The following HDX variants were observed in gnomAD, a reference collection of about 807,000 sequenced individuals.
HDX encodes the protein highly divergent homeobox, also known as chromosome X open reading frame 43.
A neutral mutation model predicts 45.2 loss-of-function variants in HDX; 19 were observed. The ratio of observed to expected loss-of-function variants is 0.42; its 90% CI spans 0.29 to 0.62. The LOEUF (loss-of-function observed/expected upper bound fraction) is 0.62, where lower values mean the gene tolerates loss of function less well. Among genes scored for constraint, HDX ranks in the 20% least tolerant of loss-of-function variants. The pLI is 0.20. For missense variants in HDX, 532 were observed against 493.9 expected, an observed-to-expected ratio of 1.08 and a Z score of -0.73; for synonymous variants, 188 against 172.8, an observed-to-expected ratio of 1.09 and a Z score of -0.69.
chrX:84,333,370 T>G (rs898184457), intron 9 of HDX, among the ~76,000 whole-genome samples: 2 of 111,416 alleles, frequency 1.8e-5, no homozygotes, highest in Admixed American at 1.9e-4. Flanking sequence ...TTTTAAAAAT[T>G]GTCCACAGAA....
chrX:84,493,838 T>C (rs1349535141), intron 1 of HDX, among the ~76,000 whole-genome samples: 1 of 111,162 alleles, frequency 9.0e-6, no homozygotes, highest in Admixed American at 9.6e-5. Flanking sequence ...TTATATATTT[T>C]AAAATAACTA....
chrX:84,409,647 C>G (rs1257381033), intron 5 of HDX, among the ~76,000 whole-genome samples: 4 of 96,376 alleles, frequency 4.2e-5, no homozygotes, highest in Non-Finnish European at 8.2e-5. Flanking sequence ...ACCGCATGTT[C>G]TCACTCATAG....
rs2036564528 is a variant in HDX, at chrX:84,319,802, G to A, written c.*2087C>T. ...ATGTTAAAAAGAAATAATTATTTGT[G>A]ATGTTTACAGCTTGCTGAGAAATCC... is the stretch of plus-strand genomic sequence containing the variant. On this transcript the variant is annotated 3_prime_UTR_variant, in exon 11 of 11. Transcript: ENST00000373177. 1 of 111,094 alleles carries A rather than the reference G, an allele frequency of 9.0e-6. No individual in the cohort carries two copies. Among genetic ancestry groups the A allele is most frequent in the Non-Finnish European group, 1.9e-5 (1 of 52,499 alleles). The allele number at this position is 111,094 out of a possible 1,213,427, so 9.2% of individuals were successfully genotyped here. A position where few individuals can be genotyped will look rare whatever the true frequency, so the allele number is the denominator to read the frequency against.
At position 84,349,609 on chromosome X, in the gene HDX, G is replaced by A. The variant is rs865948190; in HGVS notation, c.1453-5152C>T. ...TACATCTATATGTTTATGTGTGTGT[G>A]TATATATATATATATATATATAAAC... On this transcript the variant is annotated intron_variant, in intron 6 of 10. Transcript: ENST00000373177. 1.2e-4 allele frequency among the ~76,000 whole-genome samples: 9 copies of A among 77,561 alleles called. No homozygotes were observed. The East Asian group carries it at 1.2e-3, about 10-fold the overall frequency. 67.4% of individuals were successfully genotyped at this position (77,561 alleles called of 115,157 possible).
chrX:84,349,403 A>ATGTGTG (rs58864600), intron 6 of HDX, among the ~76,000 whole-genome samples: 32 of 68,489 alleles, frequency 4.7e-4, no homozygotes, highest in East Asian at 2.2e-3. Context: ...ATATATATAT[A>ATGTGTG]TGTGTGTGTG....
intron 1 of HDX, among the ~76,000 whole-genome samples, chrX:84,495,441 T>C (rs1321361703): frequency 4.5e-5 from 5 of 111,729 alleles, no homozygotes; most frequent in African/African-American, 9.8e-5. Flanking sequence ...CCAATCACCA[T>C]GTTACACACT....
At chrX:84,462,208 T>C (rs999874526) in intron 4 of HDX, among the ~76,000 whole-genome samples, 11 of 112,169 alleles carry the variant, frequency 9.8e-5, no homozygotes, top group African/African-American at 1.6e-4. Context: ...TGAAGAGATA[T>C]CTGCACTCCC....
Position 84,371,747 on chromosome X carries a change from C to A in HDX, c.1306-10135G>T, listed in dbSNP as rs773253472. ...AAGTATCTCAGGTTCACATTTGATGCTTATTGCCTATTTTTATGTGCTCTC... is the reference window on the plus strand; with the variant it reads ...AAGTATCTCAGGTTCACATTTGATGATTATTGCCTATTTTTATGTGCTCTC... On this transcript the variant is annotated intron_variant, in intron 5 of 10. Coordinates refer to ENST00000373177, the MANE Select transcript of HDX (RefSeq NM_001177479.2). Among the ~76,000 whole-genome samples, 8 of 111,591 alleles carry A rather than the reference C, an allele frequency of 7.2e-5. 1 individual carries two copies. The South Asian group carries it at 3.0e-3, about 42-fold the overall frequency.
At chrX:84,498,821 GCACACACACACACACACACA>G (rs202067754) in intron 1 of HDX, among the ~76,000 whole-genome samples, 2 of 94,690 alleles carry the variant, frequency 2.1e-5, no homozygotes, top group East Asian at 3.6e-4. Context: ...TGGAATGTAT[GCACACACACACACACACACA>G]CACACACACA....
chrX:84,333,968 AACTG>A, intron 8 of HDX, 126 bp from the exon 9 acceptor site: 1 of 368,502 alleles, frequency 2.7e-6, no homozygotes, highest in Non-Finnish European at 4.8e-6. Flanking sequence ...AAATTCTGAT[AACTG>A]ACTGGCTCCT....
intron 5 of HDX, among the ~76,000 whole-genome samples, chrX:84,364,498 T>G (rs1399871961): frequency 1.3e-5 from 1 of 75,722 alleles, no homozygotes; most frequent in East Asian, 4.2e-4. Context: ...CACCTTTTTT[T>G]TTTTTTTTTT....
At chrX:84,497,609 AG>A (rs1487778505) in intron 1 of HDX, among the ~76,000 whole-genome samples, 1 of 110,367 alleles carries the variant, frequency 9.1e-6, no homozygotes, top group Non-Finnish European at 1.9e-5. Flanking sequence ...ATCTCCACTA[AG>A]GAAAAAAAAA....
At chrX:84,500,748 C>T (rs2041104385) in intron 1 of HDX, among the ~76,000 whole-genome samples, 1 of 111,208 alleles carries the variant, frequency 9.0e-6, no homozygotes, top group Admixed American at 9.6e-5. Context: ...ACTAACTGAA[C>T]ATTAAAGAGA....
intron 1 of HDX, among the ~76,000 whole-genome samples, chrX:84,494,950 A>C (rs1248446265): frequency 1.8e-5 from 2 of 111,755 alleles, no homozygotes; most frequent in African/African-American, 3.2e-5. Flanking sequence ...CTAAGTGTCT[A>C]TCAACAGATG....
chrX:84,412,821 C>T (rs1478872864), intron 5 of HDX, among the ~76,000 whole-genome samples: 1 of 111,893 alleles, frequency 8.9e-6, no homozygotes, highest in African/African-American at 3.2e-5. Context: ...AGTAATATGT[C>T]TCTTTACATA....
chrX:84,468,044 T>C (rs2040385201), intron 4 of HDX, among the ~76,000 whole-genome samples: 2 of 111,331 alleles, frequency 1.8e-5, no homozygotes, highest in Admixed American at 1.9e-4. Flanking sequence ...CTAAAGAAAT[T>C]ATTGACTTGC....
At position 84,354,930 on chromosome X, in the gene HDX, CATATATATATATATATAT is replaced by C. The variant is rs72331919; in HGVS notation, c.1452+6518_1452+6535del. Among the ~76,000 whole-genome samples the C allele has an allele frequency of 8.3e-3, 624 of 74,828 alleles. 11 individuals carry two copies. Among genetic ancestry groups the C allele is most frequent in the African/African-American group, 0.03 (574 of 18,834 alleles). 65.0% of individuals were successfully genotyped at this position (74,828 alleles called of 115,157 possible). On this transcript the variant is annotated intron_variant, in intron 6 of 10. Transcript: ENST00000373177. ...ACATATATATATATACACACACACACATATATATATATATATATATATATATATATATATATATATATA... is the reference window on the plus strand; with the variant it reads ...ACATATATATATATACACACACACACATATATATATATATATATATATATA...
At chrX:84,358,531 C>G (rs2037542603) in intron 6 of HDX, among the ~76,000 whole-genome samples, 1 of 111,367 alleles carries the variant, frequency 9.0e-6, no homozygotes, top group South Asian at 3.8e-4. Flanking sequence ...GAAATAATGT[C>G]TAATGCACTT....
intron 3 of HDX, among the ~76,000 whole-genome samples, chrX:84,473,637 A>G (rs2040492113): frequency 9.0e-6 from 1 of 111,424 alleles, no homozygotes; most frequent in African/African-American, 3.3e-5. Context: ...AACACTCTCA[A>G]TATTCAATCA....
Sources: allele counts gnomAD v4.1 joint callset (sites outside exome capture counted in the v4.1 genomes callset), GRCh38; gene constraint gnomAD v4.1.1; transcripts MANE v1.5; gene names NCBI Gene and HGNC (gene_info 2026-07-23, HGNC 2026-07-21).